Variants in SH3GL3 observed in about 807,000 individuals in gnomAD.
SH3GL3 encodes endophilin-A3.
In SH3GL3, 33 loss-of-function variants were observed where a neutral mutation model predicts 47.7. That is an observed-to-expected ratio of 0.69 (90% confidence interval 0.52 to 0.92). SH3GL3 has a LOEUF of 0.92. Among genes scored for constraint, SH3GL3 ranks in the 40% least tolerant of loss-of-function variants. The pLI, the probability that SH3GL3 is intolerant of heterozygous loss-of-function variation, is 0.00. For synonymous variants in SH3GL3, 155 were observed against 148.8 expected, an observed-to-expected ratio of 1.04 and a Z score of -0.30; for missense variants, 363 against 417.8, an observed-to-expected ratio of 0.87 and a Z score of 1.14.
At position 83,509,556 on chromosome 15, in the gene SH3GL3, T is replaced by C. The variant is rs148794045; in HGVS notation, c.46-49697T>C. On this transcript the variant is annotated intron_variant, in intron 1 of 8. Coordinates refer to ENST00000427482, the MANE Select transcript of SH3GL3 (RefSeq NM_003027.5). ...TTAAGACTTCATATGTCAAATCCAG[T>C]TTTATTGGTGTGATAAATGCTGGTT... Among the ~76,000 whole-genome samples, 340 of 152,298 alleles carry C rather than the reference T, an allele frequency of 2.2e-3. 5 individuals carry two copies. The highest frequency in any genetic ancestry group is 0.019 in the Admixed American group (293 of 15,306).
chr15:83,525,861 T>G (rs1007004843), intron 1 of SH3GL3, among the ~76,000 whole-genome samples: 1 of 152,186 alleles, frequency 6.6e-6, no homozygotes, highest in Non-Finnish European at 1.5e-5. Flanking sequence ...GGGTTCTCTA[T>G]TCGTGTTCTG....
intron 5 of SH3GL3, among the ~76,000 whole-genome samples, chr15:83,576,013 T>C (rs1483569518): frequency 6.6e-6 from 1 of 152,196 alleles, no homozygotes; most frequent in African/African-American, 2.4e-5. Flanking sequence ...TAATATTGTT[T>C]AGAAATTTTA....
At chr15:83,493,301 T>G (rs188278120) in intron 1 of SH3GL3, among the ~76,000 whole-genome samples, 3 of 152,260 alleles carry the variant, frequency 2.0e-5, no homozygotes, top group African/African-American at 7.2e-5. Flanking sequence ...TTAATAACTG[T>G]TGAAGCTGGG....
At chr15:83,493,863 G>T (rs534729556) in intron 1 of SH3GL3, among the ~76,000 whole-genome samples, 1 of 152,192 alleles carries the variant, frequency 6.6e-6, no homozygotes, top group Non-Finnish European at 1.5e-5. Context: ...ATATCCAAGA[G>T]GTTGTTGTGA....
intron 1 of SH3GL3, among the ~76,000 whole-genome samples, chr15:83,519,423 G>A (rs558681144): frequency 6.6e-6 from 1 of 152,130 alleles, no homozygotes; most frequent in East Asian, 1.9e-4. Context: ...TTTTTTGTGT[G>A]GCTGTTGTAA....
chr15:83,610,319 T>C (rs2060627508), intron 8 of SH3GL3, among the ~76,000 whole-genome samples: 1 of 152,162 alleles, frequency 6.6e-6, no homozygotes, highest in African/African-American at 2.4e-5. Context: ...GGAGGATCAC[T>C]TAAGCCCTGA....
intron 8 of SH3GL3, among the ~76,000 whole-genome samples, chr15:83,598,624 G>C (rs1364814304): frequency 6.6e-6 from 1 of 152,166 alleles, no homozygotes; most frequent in Non-Finnish European, 1.5e-5. Flanking sequence ...TTCTCCCCAG[G>C]ATGGCTTTAG....
intron 1 of SH3GL3, among the ~76,000 whole-genome samples, chr15:83,537,018 AG>A (rs1267018978): frequency 3.3e-5 from 5 of 152,148 alleles, no homozygotes; most frequent in African/African-American, 1.2e-4. Context: ...TAGCTGGGGT[AG>A]GTTTTTGTCT....
chr15:83,463,114 G>C (rs2040385859), intron 1 of SH3GL3, among the ~76,000 whole-genome samples: 1 of 152,130 alleles, frequency 6.6e-6, no homozygotes, highest in Non-Finnish European at 1.5e-5. Context: ...TCCGAGATAA[G>C]GCTATCTCAA....
At chr15:83,461,485 CTT>C (rs2040297922) in intron 1 of SH3GL3, among the ~76,000 whole-genome samples, 1 of 151,674 alleles carries the variant, frequency 6.6e-6, no homozygotes, top group Non-Finnish European at 1.5e-5. Flanking sequence ...TTTAAGGAAA[CTT>C]TTTTCTTAAG....
intron 2 of SH3GL3, among the ~76,000 whole-genome samples, chr15:83,562,694 G>A (rs964641608): frequency 1.3e-5 from 2 of 152,104 alleles, no homozygotes; most frequent in South Asian, 2.1e-4. Context: ...ATATAATTAA[G>A]CAAATTCCCT....
At chr15:83,612,787 A>T (rs1013107306) in intron 8 of SH3GL3, among the ~76,000 whole-genome samples, 5 of 151,902 alleles carry the variant, frequency 3.3e-5, no homozygotes. Context: ...CTCCCTCTCC[A>T]TGGCTTGTAA....
At chr15:83,613,214 C>A (rs1442468316) in intron 8 of SH3GL3, among the ~76,000 whole-genome samples, 1 of 152,206 alleles carries the variant, frequency 6.6e-6, no homozygotes, top group Non-Finnish European at 1.5e-5. Context: ...AGTGTTGTAG[C>A]CAGCCCAGTG....
chr15:83,473,697 G>C (rs559948042), intron 1 of SH3GL3, among the ~76,000 whole-genome samples: 11 of 151,774 alleles, frequency 7.2e-5, no homozygotes, highest in Non-Finnish European at 1.3e-4. Context: ...ACAGGCACCC[G>C]CCACCACGTC....
rs1310097479 is a variant in SH3GL3 at position 83,566,991 on chromosome 15, AT to A, written c.188-1537del. Among the ~76,000 whole-genome samples the A allele has an allele frequency of 3.3e-5, 5 of 152,358 alleles. No homozygotes were observed. The East Asian group carries it at 9.6e-4, about 29-fold the overall frequency. On this transcript the variant is annotated intron_variant, in intron 3 of 8. Transcript: ENST00000427482. ...GGCATTGATTTAAAATACATTAAAA[AT>A]AGTACAAAATTATTAAAGTAGGAAA...
intron 1 of SH3GL3, among the ~76,000 whole-genome samples, chr15:83,494,168 C>T (rs1303257591): frequency 6.6e-6 from 1 of 152,172 alleles, no homozygotes; most frequent in Non-Finnish European, 1.5e-5. Flanking sequence ...GGTGGGTCTC[C>T]TGCCCAAGGC....
At chr15:83,609,042 A>G (rs1461416494) in intron 8 of SH3GL3, among the ~76,000 whole-genome samples, 2 of 152,192 alleles carry the variant, frequency 1.3e-5, no homozygotes, top group Non-Finnish European at 2.9e-5. Flanking sequence ...CTTGCTGGAA[A>G]GTGGGCTTTG....
chr15:83,498,161 C>A (rs1286591339), intron 1 of SH3GL3, among the ~76,000 whole-genome samples: 1 of 152,206 alleles, frequency 6.6e-6, no homozygotes. Context: ...GACACCCCCA[C>A]ACACCTCAAA....
chr15:83,519,093 C>T (rs2043106455), intron 1 of SH3GL3, among the ~76,000 whole-genome samples: 1 of 151,974 alleles, frequency 6.6e-6, no homozygotes, highest in Non-Finnish European at 1.5e-5. Context: ...TGTTTGAAGT[C>T]GGGTAATATG....
Sources: gnomAD v4.1 joint callset for allele counts (sites outside exome capture counted in the v4.1 genomes callset) on GRCh38, gnomAD v4.1.1 for gene constraint, MANE v1.5 for transcripts, NCBI Gene and HGNC (gene_info 2026-07-23, HGNC 2026-07-21) for gene names.